Variants in PAPPA2 observed in about 807,000 individuals in gnomAD.
PAPPA2 encodes the protein pappalysin 2.
Under a neutral mutation model 176.4 loss-of-function variants are expected in PAPPA2, and 86 were observed. That is an observed-to-expected ratio of 0.49 (90% CI 0.41 to 0.58). The LOEUF (loss-of-function observed/expected upper bound fraction) is 0.58. PAPPA2 is among the 20% of genes least tolerant of loss of function. The pLI is 0.00. For missense variants in PAPPA2, 2,073 were observed against 2,256.9 expected (o/e 0.92, Z 1.65); for synonymous variants, 809 against 852.2 (o/e 0.95, Z 0.88).
chr1:176,608,256 C>T (rs1480347645), intron 3 of PAPPA2, among the ~76,000 whole-genome samples: 1 of 152,138 alleles, frequency 6.6e-6, no homozygotes, highest in African/African-American at 2.4e-5. Flanking sequence ...CTTGCTCTTC[C>T]TCACAGTGTT....
intron 1 of PAPPA2, among the ~76,000 whole-genome samples, chr1:176,549,480 T>C (rs1650818802): frequency 6.6e-6 from 1 of 152,222 alleles, no homozygotes; most frequent in South Asian, 2.1e-4. Flanking sequence ...ATTCCAATCT[T>C]CTCATTTTAC....
intron 4 of PAPPA2, among the ~76,000 whole-genome samples, chr1:176,675,273 C>T (rs1659231768): frequency 6.6e-6 from 1 of 151,996 alleles, no homozygotes; most frequent in Non-Finnish European, 1.5e-5. Flanking sequence ...CAGTGTCTAG[C>T]AATCAATAAA....
rs534540206 is a variant in PAPPA2 at position 176,589,685 on chromosome 1, T to G, written c.920-4839T>G. ...TAAATCATATTCATGTACTGGTCCC[T>G]CTGTTCTTTCCAAGAATGTGGCTTT... On this transcript the variant is annotated intron_variant, in intron 2 of 22. Transcript: ENST00000367662. 3.4e-4 allele frequency among the ~76,000 whole-genome samples: 52 copies of G among 152,322 alleles called. 2 individuals are homozygous for G. In the South Asian group the frequency reaches 0.01, roughly 30 times the overall value.
chr1:176,594,417 A>G (rs1653832412), intron 2 of PAPPA2, 107 bp from the exon 3 acceptor site: 1 of 961,218 alleles, frequency 1.0e-6, no homozygotes. Flanking sequence ...TTTATTCCCC[A>G]TTAAAAACCT....
intron 21 of PAPPA2, among the ~76,000 whole-genome samples, chr1:176,816,986 A>C (rs1666430876): frequency 6.6e-6 from 1 of 152,148 alleles, no homozygotes; most frequent in African/African-American, 2.4e-5. Context: ...TTGTGAATGA[A>C]TCATGTTAGA....
intron 1 of PAPPA2, among the ~76,000 whole-genome samples, chr1:176,481,440 A>G (rs1201341849): frequency 6.6e-6 from 1 of 151,348 alleles, no homozygotes; most frequent in Non-Finnish European, 1.5e-5. Flanking sequence ...ATTTATATCC[A>G]ACCAGGGACA....
intron 1 of PAPPA2, among the ~76,000 whole-genome samples, chr1:176,485,288 C>T (rs145972682): frequency 3.7e-4 from 56 of 152,260 alleles, no homozygotes; most frequent in African/African-American, 1.3e-3. Context: ...CTTTCAAGTC[C>T]CTAATGATGT....
chr1:176,784,643 G>A (rs951820699), intron 17 of PAPPA2, among the ~76,000 whole-genome samples: 5 of 150,850 alleles, frequency 3.3e-5, no homozygotes, highest in Non-Finnish European at 7.4e-5. Context: ...CTGGAGTGCA[G>A]TGGTGCGATT....
At chr1:176,624,663 A>G (rs1405761853) in intron 3 of PAPPA2, among the ~76,000 whole-genome samples, 1 of 152,024 alleles carries the variant, frequency 6.6e-6, no homozygotes, top group East Asian at 1.9e-4. Flanking sequence ...TACTGTTTTT[A>G]TCCTCTATTT....
rs188431120 is a variant in PAPPA2 at position 176,539,791 on chromosome 1, C to T, written c.-916-15616C>T. On this transcript the variant is annotated intron_variant, in intron 1 of 22. Coordinates refer to ENST00000367662, the MANE Select transcript of PAPPA2 (RefSeq NM_020318.3). The stretch of plus-strand genomic sequence containing the variant: ...TTTCCCACGGGGAATCCACTTTGGT[C>T]CTGTTCCATTCTCAGGAGAACTCAT... Among the ~76,000 whole-genome samples, 3 of 152,298 alleles carry T rather than the reference C, an allele frequency of 2.0e-5. No homozygotes were observed. In the East Asian group the frequency reaches 5.8e-4, roughly 29 times the overall value.
chr1:176,507,829 G>C (rs1025860987), intron 1 of PAPPA2, among the ~76,000 whole-genome samples: 1 of 151,808 alleles, frequency 6.6e-6, no homozygotes, highest in Non-Finnish European at 1.5e-5. Flanking sequence ...AGTACCTGTT[G>C]GGTACTATGC....
chr1:176,592,701 T>A (rs1653736569), intron 2 of PAPPA2, among the ~76,000 whole-genome samples: 1 of 152,168 alleles, frequency 6.6e-6, no homozygotes, highest in Non-Finnish European at 1.5e-5. Context: ...CCTGTGTGTA[T>A]GCATCAAATA....
chr1:176,536,133 T>A (rs1650055486), intron 1 of PAPPA2, among the ~76,000 whole-genome samples: 1 of 152,164 alleles, frequency 6.6e-6, no homozygotes, highest in Non-Finnish European at 1.5e-5. Context: ...ATAGCATCAT[T>A]AGCAACAACC....
chr1:176,655,147 C>T (rs1475804416), intron 3 of PAPPA2, among the ~76,000 whole-genome samples: 1 of 151,758 alleles, frequency 6.6e-6, no homozygotes, highest in African/African-American at 2.4e-5. Flanking sequence ...TTGTCTTGTT[C>T]CACTTGTTGA....
In PAPPA2 at chr1:176,573,341, C is replaced by G. The variant is rs529617129; in HGVS notation, c.919+16100C>G. ...GAAAGAGAAGCCTACAGGTAGCTCT[C>G]CACTTCTGTTGAGGAACAGCCTCTG... On this transcript the variant is annotated intron_variant, in intron 2 of 22. Coordinates refer to ENST00000367662, the MANE Select transcript of PAPPA2 (RefSeq NM_020318.3). Among the ~76,000 whole-genome samples, 12 of 152,240 alleles carry G rather than the reference C, an allele frequency of 7.9e-5. No individual in the cohort carries two copies. The East Asian group carries it at 2.3e-3, about 29-fold the overall frequency.
At chr1:176,464,836 A>G (rs886636526) in intron 1 of PAPPA2, among the ~76,000 whole-genome samples, 3 of 152,238 alleles carry the variant, frequency 2.0e-5, no homozygotes, top group African/African-American at 7.2e-5. Flanking sequence ...AGTTAGAACT[A>G]TGCAGAAAAA....
intron 2 of PAPPA2, among the ~76,000 whole-genome samples, chr1:176,574,652 G>C (rs1052420092): frequency 3.9e-5 from 6 of 152,156 alleles, no homozygotes; most frequent in Admixed American, 2.0e-4. Flanking sequence ...TCTCTGGAAG[G>C]CACATGATAA....
At chr1:176,633,159 G>T (rs1177079924) in intron 3 of PAPPA2, among the ~76,000 whole-genome samples, 1 of 152,196 alleles carries the variant, frequency 6.6e-6, no homozygotes. Flanking sequence ...ATGAGGAGCG[G>T]CAGTCAGAGT....
At chr1:176,721,182 T>C (rs1410220692) in intron 12 of PAPPA2, among the ~76,000 whole-genome samples, 1 of 152,244 alleles carries the variant, frequency 6.6e-6, no homozygotes. Context: ...CAGTGAGCTA[T>C]ACTTTTATTT....
Sources: gnomAD v4.1 joint callset for allele counts (sites outside exome capture counted in the v4.1 genomes callset) on GRCh38, gnomAD v4.1.1 for gene constraint, MANE v1.5 for transcripts, NCBI Gene and HGNC (gene_info 2026-07-23, HGNC 2026-07-21) for gene names.